The following SLC8A1 variants were observed in gnomAD, a reference collection of about 807,000 sequenced individuals.
The protein encoded by SLC8A1 is solute carrier family 8 member A1.
Under a neutral mutation model 68.3 loss-of-function variants are expected in SLC8A1, and 18 were observed. The ratio of observed to expected loss-of-function variants is 0.26; its 90% CI spans 0.18 to 0.39. The LOEUF (loss-of-function observed/expected upper bound fraction) is 0.39, where lower values mean the gene tolerates loss of function less well. Ranked by LOEUF, SLC8A1 falls within the 10% of genes least tolerant of loss-of-function variation. The probability of loss-of-function intolerance (pLI) is 1.00; values close to 1 mark genes in which losing one functional copy is unlikely to be tolerated. For synonymous variants in SLC8A1, 475 were observed against 415.5 expected, an observed-to-expected ratio of 1.14 and a Z score of -1.74; for missense variants, 985 against 1,156.7, an observed-to-expected ratio of 0.85 and a Z score of 2.15.
chr2:40,186,694 A>G (rs138676561), intron 2 of SLC8A1, among the ~76,000 whole-genome samples: 136 of 152,322 alleles, frequency 8.9e-4, no homozygotes, highest in Admixed American at 1.4e-3. Context: ...CCAGAAGTCA[A>G]CATTACCCAG....
At chr2:40,434,777 C>T (rs888620817) in intron 1 of SLC8A1, among the ~76,000 whole-genome samples, 3 of 152,098 alleles carry the variant, frequency 2.0e-5, no homozygotes, top group African/African-American at 7.2e-5. Context: ...ACACACAACC[C>T]ATCACCCACA....
At chr2:40,310,506 C>T (rs2073473723) in intron 2 of SLC8A1, among the ~76,000 whole-genome samples, 2 of 152,174 alleles carry the variant, frequency 1.3e-5, no homozygotes. Flanking sequence ...CAGGGATGTA[C>T]ACCAAGCAGC....
rs115544003 is a variant in SLC8A1 at position 40,491,057 on chromosome 2, C to A, written c.-25+21292G>T. Among the ~76,000 whole-genome samples, 938 of 152,152 alleles carry A rather than the reference C, an allele frequency of 6.2e-3. 5 individuals carry two copies. Among genetic ancestry groups the A allele is most frequent in the Non-Finnish European group, 9.6e-3 (653 of 67,968 alleles). ...AAGTGTCTCTCTCTCTATAAAAAGG[C>A]CAATATTTGAAAACATTACTTGTTT... On this transcript the variant is annotated intron_variant, in intron 1 of 7. Coordinates refer to the SLC8A1 transcript ENST00000402441.
At chr2:40,488,508 G>T (rs532349050) in intron 1 of SLC8A1, among the ~76,000 whole-genome samples, 1 of 151,960 alleles carries the variant, frequency 6.6e-6, no homozygotes, top group Non-Finnish European at 1.5e-5. Flanking sequence ...CATTTAGCAC[G>T]TGGAGAAAAT....
chr2:40,177,731 T>A (rs911536636), intron 3 of SLC8A1: 1 of 1,420,826 alleles, frequency 7.0e-7, no homozygotes, highest in Non-Finnish European at 9.7e-7. Context: ...CTCGCTGGTA[T>A]GTCTTTGTTT....
chr2:40,508,728 C>A (rs1298713354), intron 1 of SLC8A1, among the ~76,000 whole-genome samples: 1 of 152,124 alleles, frequency 6.6e-6, no homozygotes, highest in African/African-American at 2.4e-5. Context: ...AAGAAATTAT[C>A]CTGGGAGAAA....
intron 2 of SLC8A1, among the ~76,000 whole-genome samples, chr2:40,308,711 T>C (rs1052909420): frequency 4.8e-4 from 73 of 152,110 alleles, no homozygotes; most frequent in African/African-American, 1.6e-3. Flanking sequence ...TTATTTCCAA[T>C]AGGGGCTCAG....
intron 2 of SLC8A1, among the ~76,000 whole-genome samples, chr2:40,363,907 T>C (rs1304255742): frequency 1.3e-5 from 2 of 152,066 alleles, no homozygotes; most frequent in Admixed American, 6.6e-5. Context: ...GGTTTATTTA[T>C]TTATTTATTT....
At chr2:40,310,126 G>C (rs930887391) in intron 2 of SLC8A1, among the ~76,000 whole-genome samples, 1 of 152,150 alleles carries the variant, frequency 6.6e-6, no homozygotes, top group Non-Finnish European at 1.5e-5. Flanking sequence ...TGTCATACAT[G>C]TATCTGTACT....
At chr2:40,293,683 T>G (rs977309158) in intron 2 of SLC8A1, among the ~76,000 whole-genome samples, 1 of 152,156 alleles carries the variant, frequency 6.6e-6, no homozygotes, top group Admixed American at 6.6e-5. Flanking sequence ...GCTTTTGACC[T>G]AGTTTCTCTC....
chr2:40,460,527 A>G (rs1703278847), intron 1 of SLC8A1, among the ~76,000 whole-genome samples: 2 of 152,266 alleles, frequency 1.3e-5, no homozygotes, highest in South Asian at 2.1e-4. Flanking sequence ...GACACTCTCC[A>G]TGGCCTCTAG....
At chr2:40,282,550 C>A (rs2067679380) in intron 2 of SLC8A1, among the ~76,000 whole-genome samples, 1 of 152,146 alleles carries the variant, frequency 6.6e-6, no homozygotes, top group Non-Finnish European at 1.5e-5. Context: ...AAAAAATAGA[C>A]CTTGCTCTCA....
At chr2:40,504,967 C>CA (rs2149940487) in intron 1 of SLC8A1, among the ~76,000 whole-genome samples, 1 of 151,554 alleles carries the variant, frequency 6.6e-6, no homozygotes, top group East Asian at 1.9e-4. Flanking sequence ...ATATACCCTG[C>CA]AAAAAAGGAT....
At chr2:40,401,645 GAAAAAA>G (rs68092033) in intron 2 of SLC8A1, among the ~76,000 whole-genome samples, 4 of 143,330 alleles carry the variant, frequency 2.8e-5, no homozygotes, top group Admixed American at 1.4e-4. Context: ...CACATTAAGT[GAAAAAA>G]AAAAAAAAGT....
intron 1 of SLC8A1, among the ~76,000 whole-genome samples, chr2:40,437,303 A>G: frequency 6.6e-6 from 1 of 152,158 alleles, no homozygotes; most frequent in Non-Finnish European, 1.5e-5. Context: ...CCACCTGAAT[A>G]AATGTGTGTA....
intron 2 of SLC8A1, among the ~76,000 whole-genome samples, chr2:40,186,946 A>G (rs1051748861): frequency 2.0e-5 from 3 of 152,226 alleles, no homozygotes; most frequent in Middle Eastern, 3.2e-3. Flanking sequence ...ATTATTTTGT[A>G]AAGAGCTAAT....
chr2:40,474,217 A>G (rs1216449903), intron 1 of SLC8A1, among the ~76,000 whole-genome samples: 1 of 152,152 alleles, frequency 6.6e-6, no homozygotes, highest in Non-Finnish European at 1.5e-5. Flanking sequence ...GGGAAACATC[A>G]GGAGATTATA....
chr2:40,485,708 T>C (rs1704925771), intron 1 of SLC8A1, among the ~76,000 whole-genome samples: 1 of 152,116 alleles, frequency 6.6e-6, no homozygotes, highest in Non-Finnish European at 1.5e-5. Context: ...CCTTCTAGAG[T>C]AATTACCACT....
chr2:40,451,736 A>ATCACAC (rs1702535575), intron 1 of SLC8A1, among the ~76,000 whole-genome samples, 168 bp downstream of exon 1: 1 of 46,414 alleles, frequency 2.2e-5, no homozygotes, highest in East Asian at 5.7e-4. Flanking sequence ...CACACACCAC[A>ATCACAC]TCACACACAC....
Sources: gnomAD v4.1 joint callset for allele counts (sites outside exome capture counted in the v4.1 genomes callset) on GRCh38, gnomAD v4.1.1 for gene constraint, MANE v1.5 for transcripts, NCBI Gene and HGNC (gene_info 2026-07-23, HGNC 2026-07-21) for gene names.